The following TRPC6 variants were observed in gnomAD, a reference collection of about 807,000 sequenced individuals.
TRPC6 encodes short transient receptor potential channel 6.
TRPC6 carries 55 observed loss-of-function variants against 90.7 expected under a neutral mutation model. The ratio of observed to expected loss-of-function variants is 0.61; its 90% confidence interval spans 0.49 to 0.76. The LOEUF (loss-of-function observed/expected upper bound fraction) is 0.76, where lower values mean the gene tolerates loss of function less well. Ranked by LOEUF, TRPC6 falls within the 30% of genes least tolerant of loss-of-function variation. TRPC6 has a pLI of 0.00. For missense variants in TRPC6, 989 were observed against 1,122.7 expected (o/e 0.88, Z 1.70); for synonymous variants, 393 against 393.0 (o/e 1.00, Z 0.00).
At chr11:101,518,977 G>T (rs543147847) in intron 1 of TRPC6, among the ~76,000 whole-genome samples, 1 of 152,166 alleles carries the variant, frequency 6.6e-6, no homozygotes, top group Non-Finnish European at 1.5e-5. Flanking sequence ...TCATCTGTGG[G>T]AGCTAAAAAT....
In TRPC6 at chr11:101,473,463, TATTTA is replaced by T. The variant is rs746281844; in HGVS notation, c.2009+41_2009+45del. 12 of 1,602,710 alleles carry T rather than the reference TATTTA, an allele frequency of 7.5e-6. No individual in the cohort carries two copies. In the East Asian group the frequency reaches 2.5e-4, roughly 33 times the overall value. ...ACATAAACGCTGTTAAACTAATATTTATTTAATTTGCAATAACTATCATCAAAATA... is the reference window on the plus strand; with the variant it reads ...ACATAAACGCTGTTAAACTAATATTTATTTGCAATAACTATCATCAAAATA... On this transcript the variant is annotated intron_variant, in intron 7 of 12. Transcript: ENST00000344327.
chr11:101,526,820 C>A lies in TRPC6; in HGVS notation c.171-22022G>T, dbSNP rs182953359. On this transcript the variant is annotated intron_variant, in intron 1 of 12. Transcript: ENST00000344327. Reference sequence around the variant, plus strand: ...CGGAGCTTGCAGTGAGCTGAGATTGCGCCAGTGCACTCCAGCCTGGGTGAC... The same window carrying A: ...CGGAGCTTGCAGTGAGCTGAGATTGAGCCAGTGCACTCCAGCCTGGGTGAC... 2.8e-3 allele frequency among the ~76,000 whole-genome samples: 342 copies of A among 124,092 alleles called. 2 individuals are homozygous for A. Among genetic ancestry groups the A allele is most frequent in the Non-Finnish European group, 4.0e-3 (255 of 63,652 alleles). The allele number at this position is 124,092 out of a possible 152,430, so 81.4% of individuals were successfully genotyped here.
At chr11:101,542,427 C>A (rs999694450) in intron 1 of TRPC6, among the ~76,000 whole-genome samples, 3 of 152,260 alleles carry the variant, frequency 2.0e-5, no homozygotes, top group Middle Eastern at 3.4e-3. Flanking sequence ...GGTAGTTTTG[C>A]AAGTTTGTCT....
chr11:101,567,009 G>A (rs1317435131), intron 1 of TRPC6, among the ~76,000 whole-genome samples: 1 of 143,428 alleles, frequency 7.0e-6, no homozygotes, highest in East Asian at 2.3e-4. Flanking sequence ...CACCTGGAAC[G>A]CCAGTGAGAC....
rs138467543 is a variant in TRPC6, at chr11:101,536,125, G to T, written c.171-31327C>A. ...CTGCAGGCCAAGCTCAGTGCCTCAC[G>T]CCTGTAATCCCAACACTTTGGGAGG... On this transcript the variant is annotated intron_variant, in intron 1 of 12. Coordinates refer to ENST00000344327, the MANE Select transcript of TRPC6 (RefSeq NM_004621.6). Among the ~76,000 whole-genome samples, 1,292 of 152,284 alleles carry T rather than the reference G, an allele frequency of 8.5e-3. 25 individuals are homozygous for T. The highest frequency in any genetic ancestry group is 0.029 in the African/African-American group (1,211 of 41,552).
intron 1 of TRPC6, among the ~76,000 whole-genome samples, chr11:101,580,505 C>T (rs184468474): frequency 2.6e-5 from 4 of 152,170 alleles, no homozygotes; most frequent in Admixed American, 2.6e-4. Flanking sequence ...CCTTATTGCA[C>T]ATAATTGCTC....
At chr11:101,476,792 C>T (rs1227045073) in intron 5 of TRPC6, among the ~76,000 whole-genome samples, 1 of 152,136 alleles carries the variant, frequency 6.6e-6, no homozygotes, top group Non-Finnish European at 1.5e-5. Flanking sequence ...ATTAATTCCA[C>T]ACATAAAAAT....
At chr11:101,569,270 A>G (rs1223539052) in intron 1 of TRPC6, among the ~76,000 whole-genome samples, 1 of 152,180 alleles carries the variant, frequency 6.6e-6, no homozygotes, top group Non-Finnish European at 1.5e-5. Context: ...TGAAACAAAG[A>G]AGGCCATTAC....
intron 10 of TRPC6, among the ~76,000 whole-genome samples, chr11:101,460,079 T>A (rs1858971549): frequency 6.6e-6 from 1 of 152,236 alleles, no homozygotes; most frequent in Non-Finnish European, 1.5e-5. Context: ...TGTTACTCTA[T>A]CAATTTCCAA....
In TRPC6 at chr11:101,573,945, T is replaced by C. The variant is rs1185882306; in HGVS notation, c.170+9389A>G. Among the ~76,000 whole-genome samples, 6 of 127,264 alleles carry C rather than the reference T, an allele frequency of 4.7e-5. No homozygotes were observed. The East Asian group carries it at 7.9e-4, about 17-fold the overall frequency. 83.5% of individuals were successfully genotyped at this position (127,264 alleles called of 152,430 possible). A position where few individuals can be genotyped will look rare whatever the true frequency, so the allele number is the denominator to read the frequency against. On this transcript the variant is annotated intron_variant, in intron 1 of 12. Coordinates refer to ENST00000344327, the MANE Select transcript of TRPC6 (RefSeq NM_004621.6). ...ACGTGTGTGTGTGTGTGTGTGTGTG[T>C]GTGTGTGTGTGTATGTGTGTGTGTG...
In TRPC6 at chr11:101,471,319, C is replaced by A; in HGVS notation, c.2273G>T (p.Arg758Ile). Residue 758 changes from arginine (R) to isoleucine (I), a missense_variant, in exon 9 of 13, where the codon AGA (arginine) becomes ATA (isoleucine). Physicochemically the swap from Arg to Ile is moderately conservative, Grantham distance 97 (BLOSUM62 -3). Transcript: ENST00000344327. ...CAGATTGAAGGGTACAGGAAGTGTT[C>A]TGCCCTCCTCAAAGTAGGAAAACCA... The part of the protein sequence containing the change: ...KLWFSYFEEG[R>I]TLPVPFNLVP... 1 of 1,613,930 alleles carries A rather than the reference C, an allele frequency of 6.2e-7. No homozygotes were observed. Among genetic ancestry groups the A allele is most frequent in the Non-Finnish European group, 8.5e-7 (1 of 1,179,884 alleles).
At chr11:101,456,101 A>G (rs911823582) in intron 10 of TRPC6, among the ~76,000 whole-genome samples, 1 of 152,170 alleles carries the variant, frequency 6.6e-6, no homozygotes, top group Non-Finnish European at 1.5e-5. Context: ...ACTTATACTG[A>G]ATTTTAAAAC....
chr11:101,583,151 C>T, intron 1 of TRPC6, 183 bp downstream of exon 1: 12 of 984,960 alleles, frequency 1.2e-5, no homozygotes, highest in Non-Finnish European at 1.4e-5. Flanking sequence ...GCCTCCCCCA[C>T]TCCCCGCGCG....
intron 1 of TRPC6, among the ~76,000 whole-genome samples, chr11:101,516,310 T>C (rs1180997535): frequency 1.3e-5 from 2 of 152,166 alleles, no homozygotes; most frequent in African/African-American, 2.4e-5. Flanking sequence ...ATCTTATTTT[T>C]TATTATTGTG....
chr11:101,487,667 G>T (rs1859708464), intron 4 of TRPC6, among the ~76,000 whole-genome samples: 2 of 152,036 alleles, frequency 1.3e-5, no homozygotes, highest in Non-Finnish European at 2.9e-5. Context: ...ATGAAAATCT[G>T]TACTACAGAT....
chr11:101,536,306 G>C (rs916433390), intron 1 of TRPC6, among the ~76,000 whole-genome samples: 1 of 152,112 alleles, frequency 6.6e-6, no homozygotes, highest in African/African-American at 2.4e-5. Flanking sequence ...AGGATCGCTT[G>C]AATCCGGGAG....
intron 2 of TRPC6, among the ~76,000 whole-genome samples, chr11:101,493,980 C>G (rs960617703): frequency 6.6e-6 from 1 of 152,098 alleles, no homozygotes; most frequent in African/African-American, 2.4e-5. Flanking sequence ...CAAAAAGATT[C>G]CAGAAAAGCA....
intron 1 of TRPC6, among the ~76,000 whole-genome samples, chr11:101,513,372 A>G (rs958218426): frequency 1.3e-5 from 2 of 152,306 alleles, no homozygotes; most frequent in South Asian, 2.1e-4. Context: ...AACACCCAGC[A>G]TATGCTCTAG....
At chr11:101,545,861 C>T (rs1861290340) in intron 1 of TRPC6, among the ~76,000 whole-genome samples, 1 of 151,906 alleles carries the variant, frequency 6.6e-6, no homozygotes, top group African/African-American at 2.4e-5. Context: ...TTTATCTGAC[C>T]TATTTACACG....
Sources: gnomAD v4.1 joint callset for allele counts (sites outside exome capture counted in the v4.1 genomes callset) on GRCh38, gnomAD v4.1.1 for gene constraint, MANE v1.5 for transcripts, NCBI Gene and HGNC (gene_info 2026-07-23, HGNC 2026-07-21) for gene names.